Variants in SLC29A1 observed in about 807,000 individuals in gnomAD.
SLC29A1 encodes the protein equilibrative nucleoside transporter 1.
SLC29A1 carries 22 observed loss-of-function variants against 48.3 expected under a neutral mutation model. That is an observed-to-expected ratio of 0.46 (90% confidence interval 0.33 to 0.65). SLC29A1 has a LOEUF of 0.65. Among genes scored for constraint, SLC29A1 ranks in the 30% least tolerant of loss-of-function variants. The pLI, the probability that SLC29A1 is intolerant of heterozygous loss-of-function variation, is 0.03. For synonymous variants in SLC29A1, 228 were observed against 231.0 expected (o/e 0.99, Z 0.12); for missense variants, 491 against 575.3 (o/e 0.85, Z 1.50).
Position 44,232,640 on chromosome 6 carries a change from C to T in SLC29A1, c.1060-167C>T. ...GCCCAGATCGAGATGTAGAATATTT[C>T]CAGCACTCCAGAAGGCTCCACCATG... On this transcript the variant is annotated intron_variant, in intron 11 of 12. Transcript: ENST00000371755. This position sits in a 1 kb window ranked among gnomAD's most constrained non-coding sequence, Gnocchi z 4.7. The T allele has an allele frequency of 3.0e-6, 2 of 669,426 alleles. No individual in the cohort carries two copies. The highest frequency in any genetic ancestry group is 5.1e-6 in the Non-Finnish European group (2 of 391,506). 41.5% of individuals were successfully genotyped at this position (669,426 alleles called of 1,614,324 possible). A position where few individuals can be genotyped will look rare whatever the true frequency, so the allele number is the denominator to read the frequency against.
At chr6:44,219,760 T>G (rs962268689), upstream of SLC29A1, 3 of 1,287,258 alleles carry the variant, frequency 2.3e-6, no homozygotes, top group African/African-American at 3.0e-5. Flanking sequence ...CAAGTCCGGA[T>G]GCTCACTCCA....
At chr6:44,231,506 C>G in intron 9 of SLC29A1, 45 bp downstream of exon 9, 1 of 1,274,158 alleles carries the variant, frequency 7.8e-7, no homozygotes, top group South Asian at 1.2e-5. Context: ...TGTCCTCTTT[C>G]TCTCCTCCTT....
chr6:44,226,934 T>G (rs1777673493), intron 1 of SLC29A1: 26 of 1,080,824 alleles, frequency 2.4e-5, no homozygotes, highest in Non-Finnish European at 2.9e-5. Flanking sequence ...TCCCATCATC[T>G]TTCCTCCTCC....
chr6:44,227,069 C>CAGG (rs1777718774), intron 1 of SLC29A1, 194 bp from the exon 2 acceptor site: 3 of 1,391,814 alleles, frequency 2.2e-6, no homozygotes, highest in East Asian at 2.7e-5. Flanking sequence ...GGGGGCCGCG[C>CAGG]AGGACTGGCC....
At position 44,230,455 on chromosome 6, in the gene SLC29A1, C is replaced by G; in HGVS notation, c.563C>G (p.Ser188Cys). The change falls in exon 6 of 13, where the codon TCC (serine) becomes TGC (cysteine). Residue 188 changes from serine (S) to cysteine (C), a missense_variant. By Grantham distance (112) the Ser-to-Cys change is moderately radical (BLOSUM62 -1). Transcript: ENST00000371755. The stretch of plus-strand genomic sequence containing the variant: ...CAGGGCCTAGCAGGCTTCTTTGCCT[C>G]CGTGGCCATGATCTGCGCTATTGCC... ...SGQGLAGFFA[S>C]VAMICAIASG... 1 of 1,613,964 alleles carries G rather than the reference C, an allele frequency of 6.2e-7. No homozygotes were observed.
At chr6:44,221,339 G>A (rs1776396188), upstream of SLC29A1, among the ~76,000 whole-genome samples, 1 of 152,162 alleles carries the variant, frequency 6.6e-6, no homozygotes, top group Admixed American at 6.5e-5. This position sits in a 1 kb window ranked among gnomAD's most constrained non-coding sequence, Gnocchi z 4.2. Flanking sequence ...CATGAGACAT[G>A]TGCTGGTTAC....
chr6:44,222,112 A>G (rs980457008), upstream of SLC29A1, among the ~76,000 whole-genome samples: 3 of 152,084 alleles, frequency 2.0e-5, no homozygotes, highest in African/African-American at 7.2e-5. Context: ...TAGGAGAGGA[A>G]GAGAGAGAGA....
chr6:44,230,652 G>T lies in SLC29A1; in HGVS notation c.674G>T (p.Gly225Val). Residue 225 changes from glycine to valine, a missense_variant, in exon 7 of 13, where the codon GGC becomes GTC. Physicochemically the swap from Gly to Val is moderately radical, Grantham distance 109 (BLOSUM62 -3). Coordinates refer to ENST00000371755, the MANE Select transcript of SLC29A1 (RefSeq NM_001372327.1). ...ATTTTGACCATCATCTGTTACCTGG[G>T]CCTGCCCCGCCTGGTGAGTAAATGG... ...VIILTIICYL[G>V]LPRLEFYRYY... 6.2e-7 allele frequency: 1 copy of T among 1,600,352 alleles called. No homozygotes were observed. Among genetic ancestry groups the T allele is most frequent in the South Asian group, 1.1e-5 (1 of 90,762 alleles).
Position 44,229,308 on chromosome 6 carries a change from C to T in SLC29A1, c.30-82C>T, listed in dbSNP as rs77516469. On this transcript the variant is annotated intron_variant, in intron 2 of 12. Transcript: ENST00000371755. This position sits in a 1 kb window ranked among gnomAD's most constrained non-coding sequence, Gnocchi z 5.1. The stretch of plus-strand genomic sequence containing the variant: ...CCCTGGGACCTAGAGAGACTGACAA[C>T]GGACAGGGGCTTTCCTGGGGCTCAT... 532 of 1,098,552 alleles carry T rather than the reference C, an allele frequency of 4.8e-4. 2 individuals carry two copies. In the East Asian group the frequency reaches 0.011, roughly 23 times the overall value. 68.1% of individuals were successfully genotyped at this position (1,098,552 alleles called of 1,614,324 possible).
intron 1 of SLC29A1, among the ~76,000 whole-genome samples, chr6:44,224,112 C>G (rs564263571): frequency 2.0e-5 from 3 of 152,196 alleles, no homozygotes; most frequent in South Asian, 4.1e-4. Flanking sequence ...AACTCGTATC[C>G]CTGGCGTCTC....
At position 44,223,786 on chromosome 6, in the gene SLC29A1, G is replaced by C. The variant is rs1000892546; in HGVS notation, c.-52+145G>C. On this transcript the variant is annotated intron_variant, in intron 1 of 12. Coordinates refer to ENST00000371755, the MANE Select transcript of SLC29A1 (RefSeq NM_001372327.1). This position sits in a 1 kb window ranked among gnomAD's most constrained non-coding sequence, Gnocchi z 5.0. The stretch of plus-strand genomic sequence containing the variant: ...GCCGGGTGGGGCCCCAGTGCGGAGC[G>C]TGCGGAGCCGCGCAGCACGTGGCGC... 2.9e-6 allele frequency: 3 copies of C among 1,030,062 alleles called. No homozygotes were observed. The highest frequency in any genetic ancestry group is 1.1e-4 in the East Asian group (1 of 8,984). 63.8% of individuals were successfully genotyped at this position (1,030,062 alleles called of 1,614,324 possible).
intron 5 of SLC29A1, 145 bp downstream of exon 5, chr6:44,230,191 A>G: frequency 6.8e-7 from 1 of 1,464,078 alleles, no homozygotes. Flanking sequence ...CAGAGGCCTG[A>G]GTGGGCCTGG....
Position 44,223,842 on chromosome 6 carries a change from G to A in SLC29A1, c.-52+201G>A. ...GGCCAGGGAGCCTGAGGACCCTGCG[G>A]GGACCGGGACCCAAGCTGGGCGGGG... is the stretch of plus-strand genomic sequence containing the variant. On this transcript the variant is annotated intron_variant, in intron 1 of 12. Coordinates refer to ENST00000371755, the MANE Select transcript of SLC29A1 (RefSeq NM_001372327.1). The surrounding 1 kb of genome is among the most constrained non-coding windows in gnomAD (Gnocchi z 5.0). 2.0e-6 allele frequency: 2 copies of A among 999,908 alleles called. No homozygotes were observed. The highest frequency in any genetic ancestry group is 2.4e-6 in the Non-Finnish European group (2 of 839,070). 61.9% of individuals were successfully genotyped at this position (999,908 alleles called of 1,614,324 possible). A position where few individuals can be genotyped will look rare whatever the true frequency, so the allele number is the denominator to read the frequency against.
Position 44,233,842 on chromosome 6 carries a change from G to C in SLC29A1, c.*314G>C, listed in dbSNP as rs960188769. The C allele has an allele frequency of 2.6e-6, 1 of 384,178 alleles. No individual in the cohort carries two copies. The highest frequency in any genetic ancestry group is 2.0e-5 in the African/African-American group (1 of 48,864). The allele number at this position is 384,178 out of a possible 1,614,324, so 23.8% of individuals were successfully genotyped here. A position where few individuals can be genotyped will look rare whatever the true frequency, so the allele number is the denominator to read the frequency against. ...GGAGGCTCTTGGGCTTGGAGAACAC[G>C]TGTGTCTCTGTGTATGTGTCTGTGT... On this transcript the variant is annotated 3_prime_UTR_variant, in exon 13 of 13. Transcript: ENST00000371755.
intron 12 of SLC29A1, 55 bp downstream of exon 12, chr6:44,233,061 T>TG: frequency 1.3e-6 from 2 of 1,543,348 alleles, no homozygotes; most frequent in Non-Finnish European, 1.8e-6. Flanking sequence ...AGAGTTCCAG[T>TG]GGGGGACACT....
chr6:44,223,538 G>A, upstream of SLC29A1: 2 of 1,170,710 alleles, frequency 1.7e-6, no homozygotes, highest in Non-Finnish European at 2.2e-6. The surrounding 1 kb of genome is among the most constrained non-coding windows in gnomAD (Gnocchi z 5.0). Context: ...GGCGCAGGGC[G>A]GGGCGAGCTC....
Position 44,230,731 on chromosome 6 carries a change from T to C in SLC29A1, c.687+66T>C, listed in dbSNP as rs900346910. On this transcript the variant is annotated intron_variant, in intron 7 of 12. Transcript: ENST00000371755. ...CTGGGGTTCCAGACCACGGGTGTTC[T>C]GAGGACAAAACCTGAAGGAGGCCGG... is the stretch of plus-strand genomic sequence containing the variant. The C allele has an allele frequency of 3.4e-5, 54 of 1,573,308 alleles. No individual in the cohort carries two copies. In the Middle Eastern group the frequency reaches 5.0e-4, roughly 15 times the overall value.
Sources: gnomAD v4.1 joint callset for allele counts (sites outside exome capture counted in the v4.1 genomes callset) on GRCh38, gnomAD v4.1.1 for gene constraint, Gnocchi (gnomAD v3.1) non-coding constraint, MANE v1.5 for transcripts, NCBI Gene and HGNC (gene_info 2026-07-23, HGNC 2026-07-21) for gene names.